The following ADAM12 variants were observed in gnomAD, a reference collection of about 807,000 sequenced individuals.
The protein encoded by ADAM12 is disintegrin and metalloproteinase domain-containing protein 12.
In ADAM12, 70 loss-of-function variants were observed where a neutral mutation model predicts 106.4. The observed-to-expected ratio is 0.66, with a 90% CI of 0.54 to 0.80. The LOEUF is 0.80. Ranked by LOEUF, ADAM12 falls within the 30% of genes least tolerant of loss-of-function variation. ADAM12 has a pLI of 0.00. For missense variants in ADAM12, 1,010 were observed against 1,171.9 expected (o/e 0.86, Z 2.02); for synonymous variants, 420 against 433.5 (o/e 0.97, Z 0.39).
intron 16 of ADAM12, among the ~76,000 whole-genome samples, chr10:126,048,147 A>G (rs539344604): frequency 1.8e-4 from 28 of 152,296 alleles, no homozygotes; most frequent in African/African-American, 6.7e-4. Flanking sequence ...ATCAGAGAGT[A>G]GAGGGTGAAT....
At chr10:126,045,904 AAAG>A in intron 17 of ADAM12, 148 bp downstream of exon 17, 1 of 658,250 alleles carries the variant, frequency 1.5e-6, no homozygotes, top group Non-Finnish European at 2.6e-6. Context: ...GAAAAGGTCA[AAAG>A]AAATGAATAC....
chr10:126,381,109 T>C (rs1034659723), intron 1 of ADAM12, among the ~76,000 whole-genome samples: 5 of 152,230 alleles, frequency 3.3e-5, no homozygotes, highest in African/African-American at 1.2e-4. Flanking sequence ...TATGTTGACT[T>C]TGAGTTTTTA....
At chr10:126,220,452 G>C (rs578066011) in intron 3 of ADAM12, among the ~76,000 whole-genome samples, 1 of 152,216 alleles carries the variant, frequency 6.6e-6, no homozygotes, top group East Asian at 1.9e-4. Flanking sequence ...TAAAACACAG[G>C]ATGCCTAGTT....
At chr10:126,384,009 T>C (rs536099417) in intron 1 of ADAM12, among the ~76,000 whole-genome samples, 1 of 152,272 alleles carries the variant, frequency 6.6e-6, no homozygotes, top group East Asian at 1.9e-4. Flanking sequence ...CTGATGAAAA[T>C]AGATTTGACT....
chr10:126,090,292 C>CA (rs1313497039), intron 11 of ADAM12, among the ~76,000 whole-genome samples: 1 of 131,918 alleles, frequency 7.6e-6, no homozygotes, highest in Non-Finnish European at 1.6e-5. Flanking sequence ...CTCCAACTCT[C>CA]ATTTAACAGA....
intron 3 of ADAM12, among the ~76,000 whole-genome samples, chr10:126,177,628 A>G (rs1178532179): frequency 6.6e-6 from 1 of 152,240 alleles, no homozygotes; most frequent in African/African-American, 2.4e-5. Flanking sequence ...TATTTAAAAG[A>G]CAAAAGTAAA....
At chr10:126,028,917 C>T (rs765399718) in intron 21 of ADAM12, among the ~76,000 whole-genome samples, 1 of 151,786 alleles carries the variant, frequency 6.6e-6, no homozygotes, top group Non-Finnish European at 1.5e-5. Flanking sequence ...TTTAAAATTA[C>T]AAGAAAACAG....
chr10:126,313,812 C>G (rs1961224436), intron 2 of ADAM12, among the ~76,000 whole-genome samples: 1 of 152,068 alleles, frequency 6.6e-6, no homozygotes, highest in Admixed American at 6.5e-5. Context: ...GGCTGAAAGG[C>G]AGACATTAAA....
chr10:126,385,016 G>C (rs1006162110), intron 1 of ADAM12, among the ~76,000 whole-genome samples: 3 of 152,194 alleles, frequency 2.0e-5, no homozygotes, highest in Non-Finnish European at 4.4e-5. Flanking sequence ...CTCAGGTTCA[G>C]TTAATTTGCT....
At chr10:126,325,277 T>C (rs1854258593) in intron 2 of ADAM12, among the ~76,000 whole-genome samples, 1 of 152,210 alleles carries the variant, frequency 6.6e-6, no homozygotes, top group Non-Finnish European at 1.5e-5. Context: ...AAGCCATCTC[T>C]GACCTTGGCA....
intron 14 of ADAM12, among the ~76,000 whole-genome samples, chr10:126,050,262 T>G (rs1312023038): frequency 3.9e-5 from 6 of 152,228 alleles, no homozygotes; most frequent in Admixed American, 6.5e-5. Context: ...TGGTAATCCC[T>G]ATGTACAACA....
At chr10:126,036,035 C>G in intron 21 of ADAM12, 111 bp downstream of exon 21, 3 of 987,430 alleles carry the variant, frequency 3.0e-6, no homozygotes, top group Non-Finnish European at 4.0e-6. Flanking sequence ...TGAATTATCT[C>G]CATTTTACAG....
intron 1 of ADAM12, among the ~76,000 whole-genome samples, chr10:126,371,068 T>C (rs1856098336): frequency 6.6e-6 from 1 of 152,256 alleles, no homozygotes. Context: ...GTAATTCATG[T>C]GCATAATCTC....
chr10:126,068,930 T>C (rs1401844943), intron 12 of ADAM12, among the ~76,000 whole-genome samples: 2 of 152,142 alleles, frequency 1.3e-5, no homozygotes, highest in African/African-American at 4.8e-5. Flanking sequence ...TTCTTGAAAA[T>C]GATGGAGATT....
intron 2 of ADAM12, among the ~76,000 whole-genome samples, chr10:126,284,757 C>T (rs1959765941): frequency 6.6e-6 from 1 of 152,220 alleles, no homozygotes; most frequent in African/African-American, 2.4e-5. Context: ...CTCTTCTCTG[C>T]AGCTGCTTTT....
In ADAM12 at chr10:126,036,206, T is replaced by A. The variant is rs1954056601; in HGVS notation, c.2469A>T (p.Pro823=). The A allele has an allele frequency of 1.3e-6, 2 of 1,546,516 alleles. No individual in the cohort carries two copies. The highest frequency in any genetic ancestry group is 2.8e-5 in the African/African-American group (2 of 70,378). Residue 823 remains proline, a synonymous_variant, in exon 21 of 23, where the codon CCA becomes CCT. Coordinates refer to ENST00000448723, the MANE Select transcript of ADAM12 (RefSeq NM_001288973.2). Reference sequence around the variant, plus strand: ...GTCTGGCAGGGACGCTAGGTGCACGTGGAGCCCGGTGGAGGGGAGGAAGCA... The same window carrying A: ...GTCTGGCAGGGACGCTAGGTGCACGAGGAGCCCGGTGGAGGGGAGGAAGCA... ...QRVLPPLHRA[P]RAPSVPARPL... is the part of the protein sequence containing the mutation.
intron 3 of ADAM12, among the ~76,000 whole-genome samples, chr10:126,269,110 G>A (rs900858730): frequency 3.3e-5 from 5 of 152,148 alleles, no homozygotes; most frequent in African/African-American, 4.8e-5. Context: ...ACTTCCTGAC[G>A]TTGCCACGGC....
At chr10:126,360,598 T>G (rs1178951785) in intron 1 of ADAM12, among the ~76,000 whole-genome samples, 2 of 152,232 alleles carry the variant, frequency 1.3e-5, no homozygotes, top group East Asian at 3.8e-4. Context: ...CATCTCCATC[T>G]GAAACCACCT....
intron 14 of ADAM12, among the ~76,000 whole-genome samples, chr10:126,051,576 T>TCCAGCCAGCCAG (rs778622898): frequency 0.11 from 9,131 of 83,610 alleles, 473 homozygotes; most frequent in East Asian, 0.23. Flanking sequence ...CATCCATCCA[T>TCCAGCCAGCCAG]CCATCCATCC....
Sources: gnomAD v4.1 joint callset for allele counts (sites outside exome capture counted in the v4.1 genomes callset) on GRCh38, gnomAD v4.1.1 for gene constraint, MANE v1.5 for transcripts, NCBI Gene and HGNC (gene_info 2026-07-23, HGNC 2026-07-21) for gene names.